The following COLGALT2 variants were observed in gnomAD, a reference collection of about 807,000 sequenced individuals.
The protein encoded by COLGALT2 is procollagen galactosyltransferase 2.
COLGALT2 carries 49 observed loss-of-function variants against 73.4 expected under a neutral mutation model. The ratio of observed to expected loss-of-function variants is 0.67; its 90% CI spans 0.53 to 0.85. The LOEUF (loss-of-function observed/expected upper bound fraction) is 0.85, where lower values mean the gene tolerates loss of function less well. Ranked by LOEUF, COLGALT2 falls within the 40% of genes least tolerant of loss-of-function variation. The probability of loss-of-function intolerance (pLI) is 0.00; values close to 1 mark genes in which losing one functional copy is unlikely to be tolerated. For missense variants in COLGALT2, 722 were observed against 790.2 expected (o/e 0.91, Z 1.03); for synonymous variants, 295 against 307.6 (o/e 0.96, Z 0.43).
At chr1:184,010,867 G>A (rs1672215962) in intron 1 of COLGALT2, among the ~76,000 whole-genome samples, 1 of 152,160 alleles carries the variant, frequency 6.6e-6, no homozygotes, top group Non-Finnish European at 1.5e-5. Flanking sequence ...ATTTTGGGCT[G>A]CTGAAATAAA....
chr1:183,987,635 G>A (rs552905654), intron 1 of COLGALT2, among the ~76,000 whole-genome samples: 1 of 152,312 alleles, frequency 6.6e-6, no homozygotes, highest in East Asian at 1.9e-4. Context: ...TATAAAATAA[G>A]CACTTATCAT....
Position 184,037,136 on chromosome 1 carries a change from G to A in COLGALT2, c.222C>T (p.Cys74=), listed in dbSNP as rs904008683. ...TCTTGGGGTAGTCCAGCCGCTCCAG[G>A]CAGCCGAGGAAGTGCGGCAGCGTGT... is the stretch of plus-strand genomic sequence containing the variant. ...AAHTLPHFLG[C]LERLDYPKSR... The change falls in exon 1 of 12, where the codon TGC becomes TGT. Residue 74 remains cysteine (C), a synonymous_variant. Transcript: ENST00000361927. 1 of 1,598,850 alleles carries A rather than the reference G, an allele frequency of 6.3e-7. No individual in the cohort carries two copies. The highest frequency in any genetic ancestry group is 1.1e-5 in the South Asian group (1 of 89,956).
chr1:183,996,928 G>A (rs1371018665), intron 1 of COLGALT2, among the ~76,000 whole-genome samples: 1 of 152,156 alleles, frequency 6.6e-6, no homozygotes, highest in African/African-American at 2.4e-5. Context: ...TGAGCTTATC[G>A]AAAGAATTTC....
chr1:183,935,999 G>A lies in COLGALT2; in HGVS notation c.*2762C>T, dbSNP rs868713716. 7.6e-5 allele frequency: 71 copies of A among 939,428 alleles called. No homozygotes were observed. The highest frequency in any genetic ancestry group is 2.6e-4 in the South Asian group (5 of 19,316). 58.2% of individuals were successfully genotyped at this position (939,428 alleles called of 1,614,324 possible). On this transcript the variant is annotated 3_prime_UTR_variant, in exon 12 of 12. Transcript: ENST00000361927. ...CAGCAGGCCTGAATGAACCGCAAGC[G>A]GGGCCCATGCAGCGTGTCCTCTGCA...
At chr1:184,006,602 A>AAATAATAAT (rs10691791) in intron 1 of COLGALT2, among the ~76,000 whole-genome samples, 9 of 148,230 alleles carry the variant, frequency 6.1e-5, no homozygotes, top group Non-Finnish European at 8.9e-5. Context: ...AATAAAAATA[A>AAATAATAAT]AATAATAATA....
chr1:183,944,323 C>T lies in COLGALT2; in HGVS notation c.1270G>A (p.Val424Ile). The T allele has an allele frequency of 6.2e-7, 1 of 1,611,006 alleles. No homozygotes were observed. The highest frequency in any genetic ancestry group is 1.3e-5 in the African/African-American group (1 of 74,834). The change falls in exon 10 of 12, where the codon GTA (valine) becomes ATA (isoleucine). Residue 424 changes from valine to isoleucine, a missense_variant and splice_region_variant. By Grantham distance (29) the Val-to-Ile change is conservative (BLOSUM62 3). Transcript: ENST00000361927. Reference sequence around the variant, plus strand: ...GTCTTCTCTAGCTCTCGATCAATTACCTGCAAAAGTCATCAGTAGGAAGAT... The same window carrying T: ...GTCTTCTCTAGCTCTCGATCAATTATCTGCAAAAGTCATCAGTAGGAAGAT... ...FLSHYSVWKE[V>I]IDRELEKTLV...
chr1:183,940,748 C>G lies in COLGALT2; in HGVS notation c.1437G>C (p.Glu479Asp), dbSNP rs1670086332. 1.2e-6 allele frequency: 2 copies of G among 1,614,238 alleles called. No individual in the cohort carries two copies. The highest frequency in any genetic ancestry group is 1.7e-6 in the Non-Finnish European group (2 of 1,180,036). The change falls in exon 11 of 12, where the codon GAG (glutamate) becomes GAC (aspartate). Residue 479 changes from glutamate to aspartate, a missense_variant. Physicochemically the swap from Glu to Asp is conservative, Grantham distance 45. Transcript: ENST00000361927. ...GGTTTGCCACATTGGGCACTGCTTT[C>G]TCTGGCTCCTTTACTTGCATCCTCT... ...GRKRMQVKEPEKAVPNVANLV... is the reference protein window; with the variant it reads ...GRKRMQVKEPDKAVPNVANLV...
chr1:183,963,461 G>C (rs998953119), intron 6 of COLGALT2, among the ~76,000 whole-genome samples: 5 of 152,106 alleles, frequency 3.3e-5, no homozygotes, highest in Non-Finnish European at 7.4e-5. Context: ...TTAAGTTAAA[G>C]TCATAACTAC....
In COLGALT2 at chr1:183,936,522, A is replaced by T; in HGVS notation, c.*2239T>A. ...CTGTCAGACCAGCTGACAGGGGAAC[A>T]GGAAAAAAAAAATTCTCTATTAAAC... On this transcript the variant is annotated 3_prime_UTR_variant, in exon 12 of 12. Coordinates refer to ENST00000361927, the MANE Select transcript of COLGALT2 (RefSeq NM_015101.4). 9.7e-7 allele frequency: 1 copy of T among 1,031,206 alleles called. No homozygotes were observed. Among genetic ancestry groups the T allele is most frequent in the Non-Finnish European group, 1.2e-6 (1 of 860,292 alleles). 63.9% of individuals were successfully genotyped at this position (1,031,206 alleles called of 1,614,324 possible).
At chr1:183,980,553 C>A (rs1035023072) in intron 1 of COLGALT2, among the ~76,000 whole-genome samples, 2 of 151,960 alleles carry the variant, frequency 1.3e-5, no homozygotes, top group Admixed American at 6.6e-5. Flanking sequence ...TGAATAATTT[C>A]CAAGAAGAGA....
intron 1 of COLGALT2, among the ~76,000 whole-genome samples, chr1:184,015,173 A>G (rs943450815): frequency 6.6e-6 from 1 of 152,202 alleles, no homozygotes; most frequent in Non-Finnish European, 1.5e-5. Context: ...TGAAGACCAA[A>G]GGAAACTTTG....
At chr1:184,012,560 G>A (rs1018647778) in intron 1 of COLGALT2, among the ~76,000 whole-genome samples, 5 of 152,128 alleles carry the variant, frequency 3.3e-5, no homozygotes, top group Non-Finnish European at 1.5e-5. Flanking sequence ...TCAAGAAACT[G>A]TACATTTTCA....
chr1:183,933,492 C>T (rs960657295), downstream of COLGALT2, among the ~76,000 whole-genome samples: 2 of 152,246 alleles, frequency 1.3e-5, no homozygotes, highest in African/African-American at 4.8e-5. Flanking sequence ...TTTTTAAAAG[C>T]AGTTAAAGCC....
In COLGALT2 at chr1:183,937,885, T is replaced by C. The variant is rs1337014590; in HGVS notation, c.*876A>G. On this transcript the variant is annotated 3_prime_UTR_variant, in exon 12 of 12. Coordinates refer to ENST00000361927, the MANE Select transcript of COLGALT2 (RefSeq NM_015101.4). Reference sequence around the variant, plus strand: ...TGCGGTGGGTTCCCAGGCTAAGGGGTGGAGCGGAGAGCGTGAAGCTCTGTA... The same window carrying C: ...TGCGGTGGGTTCCCAGGCTAAGGGGCGGAGCGGAGAGCGTGAAGCTCTGTA... 1 of 985,136 alleles carries C rather than the reference T, an allele frequency of 1.0e-6. No homozygotes were observed. The highest frequency in any genetic ancestry group is 1.2e-6 in the Non-Finnish European group (1 of 829,918). 61.0% of individuals were successfully genotyped at this position (985,136 alleles called of 1,614,324 possible).
At position 183,935,997 on chromosome 1, in the gene COLGALT2, G is replaced by A. The variant is rs1046173826; in HGVS notation, c.*2764C>T. 9 of 979,844 alleles carry A rather than the reference G, an allele frequency of 9.2e-6. No homozygotes were observed. The highest frequency in any genetic ancestry group is 5.3e-4 in the Middle Eastern group (1 of 1,904). The allele number at this position is 979,844 out of a possible 1,614,324, so 60.7% of individuals were successfully genotyped here. On this transcript the variant is annotated 3_prime_UTR_variant, in exon 12 of 12. Transcript: ENST00000361927. ...TGCAGCAGGCCTGAATGAACCGCAA[G>A]CGGGGCCCATGCAGCGTGTCCTCTG...
chr1:183,967,878 C>T (rs904544217), intron 5 of COLGALT2, among the ~76,000 whole-genome samples: 1 of 152,202 alleles, frequency 6.6e-6, no homozygotes, highest in Non-Finnish European at 1.5e-5. Context: ...ATGAGGATTG[C>T]TTTTGCCTAG....
At chr1:184,029,718 G>A (rs1456024036) in intron 1 of COLGALT2, among the ~76,000 whole-genome samples, 3 of 151,854 alleles carry the variant, frequency 2.0e-5, no homozygotes, top group South Asian at 4.2e-4. Context: ...TTTTTATTAG[G>A]GCCAGACCTT....
At chr1:184,033,849 G>A (rs1649588263) in intron 1 of COLGALT2, among the ~76,000 whole-genome samples, 1 of 152,232 alleles carries the variant, frequency 6.6e-6, no homozygotes, top group Admixed American at 6.5e-5. Context: ...TCTGCACAGA[G>A]TGAGTTATTG....
intron 1 of COLGALT2, among the ~76,000 whole-genome samples, chr1:183,980,771 C>G (rs1056893959): frequency 5.9e-5 from 9 of 151,772 alleles, no homozygotes; most frequent in Non-Finnish European, 1.2e-4. Flanking sequence ...AGGCACACAA[C>G]TACAGACCAA....
Sources: allele counts gnomAD v4.1 joint callset (sites outside exome capture counted in the v4.1 genomes callset), GRCh38; gene constraint gnomAD v4.1.1; transcripts MANE v1.5; gene names NCBI Gene and HGNC (gene_info 2026-07-23, HGNC 2026-07-21).